The following CSMD1 variants were observed in gnomAD, a reference collection of about 807,000 sequenced individuals.
CSMD1 encodes CUB and Sushi multiple domains 1, also known as CUB and sushi domain-containing protein 1.
A neutral mutation model predicts 417.5 loss-of-function variants in CSMD1; 213 were observed. That is an observed-to-expected ratio of 0.51 (90% confidence interval 0.46 to 0.57). The LOEUF is 0.57. Among genes scored for constraint, CSMD1 ranks in the 20% least tolerant of loss-of-function variants. The pLI, the probability that CSMD1 is intolerant of heterozygous loss-of-function variation, is 0.00. For synonymous variants in CSMD1, 2,862 were observed against 1,736.8 expected, an observed-to-expected ratio of 1.65 and a Z score of -16.11; for missense variants, 6,923 against 4,529.7, an observed-to-expected ratio of 1.53 and a Z score of -15.17.
intron 4 of CSMD1, among the ~76,000 whole-genome samples, chr8:4,025,850 T>G (rs750529083): frequency 6.6e-6 from 1 of 152,148 alleles, no homozygotes; most frequent in Non-Finnish European, 1.5e-5. Context: ...AAATATACAG[T>G]TATACCTTTT....
Position 4,184,394 on chromosome 8 carries a change from A to C in CSMD1, c.416-152295T>G, listed in dbSNP as rs576432996. 1.6e-3 allele frequency among the ~76,000 whole-genome samples: 241 copies of C among 152,318 alleles called. 1 individual carries two copies. Among genetic ancestry groups the C allele is most frequent in the African/African-American group, 5.2e-3 (218 of 41,568 alleles). ...TGAAAACTAGCTATTTCCAATTCTA[A>C]TAATCTGGAGCATATGAGGATGTTC... is the stretch of plus-strand genomic sequence containing the variant. On this transcript the variant is annotated intron_variant, in intron 3 of 69. Transcript: ENST00000635120.
intron 1 of CSMD1, among the ~76,000 whole-genome samples, chr8:4,960,586 G>C (rs1376777595): frequency 6.6e-6 from 1 of 152,124 alleles, no homozygotes; most frequent in Admixed American, 6.6e-5. Context: ...ACAATAGATA[G>C]AATAATGCCA....
chr8:4,464,485 C>T (rs573950587), intron 2 of CSMD1, among the ~76,000 whole-genome samples: 2 of 152,226 alleles, frequency 1.3e-5, no homozygotes, highest in East Asian at 3.9e-4. Flanking sequence ...TAAGTCAAAG[C>T]TTATTTTATA....
chr8:4,205,600 G>A lies in CSMD1; in HGVS notation c.416-173501C>T, dbSNP rs943811450. ...CATATAAATGATGGGGTAGGATGAA[G>A]CCCTGACAATTTCCACCCAGGAGCC... is the stretch of plus-strand genomic sequence containing the variant. On this transcript the variant is annotated intron_variant, in intron 3 of 69. Transcript: ENST00000635120. Among the ~76,000 whole-genome samples the A allele has an allele frequency of 3.9e-5, 6 of 152,212 alleles. No homozygotes were observed. In the East Asian group the frequency reaches 1.2e-3, roughly 29 times the overall value.
intron 1 of CSMD1, among the ~76,000 whole-genome samples, chr8:4,710,964 G>C (rs903922662): frequency 2.6e-5 from 4 of 152,024 alleles, no homozygotes; most frequent in African/African-American, 9.7e-5. Flanking sequence ...ACAAATGATG[G>C]TGCTCTTGGA....
intron 3 of CSMD1, among the ~76,000 whole-genome samples, chr8:4,037,689 G>A (rs551380268): frequency 6.6e-6 from 1 of 152,120 alleles, no homozygotes; most frequent in Non-Finnish European, 1.5e-5. Context: ...AGGGGAAGGT[G>A]TGAAGATTGA....
intron 5 of CSMD1, among the ~76,000 whole-genome samples, chr8:3,981,959 C>T (rs879257757): frequency 1.3e-5 from 2 of 151,902 alleles, no homozygotes; most frequent in Admixed American, 1.3e-4. Flanking sequence ...ATCACAAGTT[C>T]AGGAGATTGA....
At position 4,834,956 on chromosome 8, in the gene CSMD1, CAAA is replaced by C. The variant is rs1194297821; in HGVS notation, c.85+159373_85+159375del. On this transcript the variant is annotated intron_variant, in intron 1 of 69. Coordinates refer to ENST00000635120, the MANE Select transcript of CSMD1 (RefSeq NM_033225.6). ...TGGGCGACAGGGCCAGACTCCATCTCAAAAAAAAAAAAAAAAAAAAAAAAGAAA... is the reference window on the plus strand; with the variant it reads ...TGGGCGACAGGGCCAGACTCCATCTCAAAAAAAAAAAAAAAAAAAAAGAAA... 3.4e-3 allele frequency among the ~76,000 whole-genome samples: 68 copies of C among 19,814 alleles called. 1 individual carries two copies. The highest frequency in any genetic ancestry group is 6.8e-3 in the South Asian group (1 of 146). The allele number at this position is 19,814 out of a possible 152,430, so 13.0% of individuals were successfully genotyped here.
At chr8:3,065,856 G>A (rs924373562) in intron 49 of CSMD1, among the ~76,000 whole-genome samples, 3 of 152,198 alleles carry the variant, frequency 2.0e-5, no homozygotes, top group African/African-American at 7.2e-5. Context: ...GCAAGTAGCA[G>A]AAACCATAAA....
chr8:4,240,521 A>G (rs1485808103), intron 3 of CSMD1, among the ~76,000 whole-genome samples: 1 of 152,204 alleles, frequency 6.6e-6, no homozygotes, highest in Non-Finnish European at 1.5e-5. Flanking sequence ...TCTGGAAACT[A>G]ACCTGATTGT....
rs1796406805 is a variant in CSMD1, at chr8:4,148,629, C to A, written c.416-116530G>T. Reference sequence around the variant, plus strand: ...GCCTTGTGTGTAGACAGTAGCTGCTCCTGGAATCCTCACCTTGTGGATGGC... The same window carrying A: ...GCCTTGTGTGTAGACAGTAGCTGCTACTGGAATCCTCACCTTGTGGATGGC... On this transcript the variant is annotated intron_variant, in intron 3 of 69. Transcript: ENST00000635120. Among the ~76,000 whole-genome samples the A allele has an allele frequency of 3.3e-5, 5 of 152,160 alleles. No individual in the cohort carries two copies. In the South Asian group the frequency reaches 8.3e-4, roughly 25 times the overall value.
At chr8:3,952,851 T>A (rs906439124) in intron 5 of CSMD1, among the ~76,000 whole-genome samples, 1 of 152,118 alleles carries the variant, frequency 6.6e-6, no homozygotes, top group Admixed American at 6.5e-5. Flanking sequence ...TTGAATGCAG[T>A]GAAAATAAGA....
At chr8:3,220,264 G>GT (rs112875181) in intron 28 of CSMD1, among the ~76,000 whole-genome samples, 6 of 151,570 alleles carry the variant, frequency 4.0e-5, no homozygotes, top group African/African-American at 1.5e-4. Flanking sequence ...GAATATCCCA[G>GT]TTTTTTTTCT....
chr8:4,045,647 A>G (rs1313859586), intron 3 of CSMD1, among the ~76,000 whole-genome samples: 4 of 152,222 alleles, frequency 2.6e-5, no homozygotes, highest in Admixed American at 2.6e-4. Context: ...TAGCTTGACA[A>G]GATGGATTGT....
chr8:3,211,667 C>T (rs773152840), intron 30 of CSMD1, among the ~76,000 whole-genome samples: 7 of 152,180 alleles, frequency 4.6e-5, no homozygotes, highest in South Asian at 4.1e-4. Context: ...GTGACACAGA[C>T]GGGAGGAGGT....
chr8:4,321,664 G>C lies in CSMD1; in HGVS notation c.415+98289C>G, dbSNP rs74356761. Reference sequence around the variant, plus strand: ...AAGTTTAATAGTGGTAAAGATAAAAGAGCTGTTCAACATTCCTAAGATAGT... The same window carrying C: ...AAGTTTAATAGTGGTAAAGATAAAACAGCTGTTCAACATTCCTAAGATAGT... On this transcript the variant is annotated intron_variant, in intron 3 of 69. Transcript: ENST00000635120. Among the ~76,000 whole-genome samples, 16 of 152,234 alleles carry C rather than the reference G, an allele frequency of 1.1e-4. No homozygotes were observed. In the East Asian group the frequency reaches 3.1e-3, roughly 29 times the overall value.
chr8:4,761,905 ATCTATCAATCTATCT>A (rs1563319641), intron 1 of CSMD1, among the ~76,000 whole-genome samples: 2 of 116,306 alleles, frequency 1.7e-5, no homozygotes, highest in Non-Finnish European at 3.6e-5. Context: ...CTATCTATCT[ATCTATCAATCTATCT>A]ATCTATCTAT....
intron 1 of CSMD1, among the ~76,000 whole-genome samples, chr8:4,739,323 T>C (rs1372571809): frequency 1.3e-5 from 2 of 152,206 alleles, no homozygotes; most frequent in African/African-American, 4.8e-5. Context: ...TTGACAGAAC[T>C]AGATATTTTA....
rs773829192 is a variant in CSMD1 at position 3,369,226 on chromosome 8, A to G, written c.2899+28T>C. On this transcript the variant is annotated intron_variant, in intron 19 of 69. Coordinates refer to ENST00000635120, the MANE Select transcript of CSMD1 (RefSeq NM_033225.6). Reference sequence around the variant, plus strand: ...TTTTCTGTCTCATTTATTAGTCTGTATGTTTGAGACCTATGATAGATTCTT... The same window carrying G: ...TTTTCTGTCTCATTTATTAGTCTGTGTGTTTGAGACCTATGATAGATTCTT... 15 of 1,090,470 alleles carry G rather than the reference A, an allele frequency of 1.4e-5. 1 individual carries two copies. Among genetic ancestry groups the G allele is most frequent in the East Asian group, 1.2e-4 (5 of 42,270 alleles). 67.5% of individuals were successfully genotyped at this position (1,090,470 alleles called of 1,614,324 possible). A position where few individuals can be genotyped will look rare whatever the true frequency, so the allele number is the denominator to read the frequency against.
Sources: allele counts gnomAD v4.1 joint callset (sites outside exome capture counted in the v4.1 genomes callset), GRCh38; gene constraint gnomAD v4.1.1; transcripts MANE v1.5; gene names NCBI Gene and HGNC (gene_info 2026-07-23, HGNC 2026-07-21).